Variants in CERS6 observed in about 807,000 individuals in gnomAD.
CERS6 encodes ceramide synthase 6.
Under a neutral mutation model 56.8 loss-of-function variants are expected in CERS6, and 26 were observed. The observed-to-expected ratio is 0.46, with a 90% CI of 0.34 to 0.63. The LOEUF is 0.63. Ranked by LOEUF, CERS6 falls within the 30% of genes least tolerant of loss-of-function variation. The probability of loss-of-function intolerance (pLI) is 0.01; values close to 1 mark genes in which losing one functional copy is unlikely to be tolerated. For missense variants in CERS6, 415 were observed against 467.5 expected (o/e 0.89, Z 1.04); for synonymous variants, 164 against 173.3 (o/e 0.95, Z 0.42).
intron 1 of CERS6, among the ~76,000 whole-genome samples, chr2:168,529,855 A>G (rs575771201): frequency 6.6e-6 from 1 of 152,334 alleles, no homozygotes; most frequent in East Asian, 1.9e-4. Flanking sequence ...TAAAGGATTA[A>G]TGCATTACAG....
intron 8 of CERS6, among the ~76,000 whole-genome samples, chr2:168,763,240 CTTTTTT>C (rs756952701): frequency 9.4e-6 from 1 of 105,902 alleles, no homozygotes. Flanking sequence ...CTCTCTCTCT[CTTTTTT>C]TTTTTTTTTT....
chr2:168,597,570 T>C (rs1475181705), intron 3 of CERS6, among the ~76,000 whole-genome samples: 1 of 152,180 alleles, frequency 6.6e-6, no homozygotes, highest in African/African-American at 2.4e-5. Context: ...TTCTACTTTT[T>C]TCAATTCCCA....
At chr2:168,690,827 A>G (rs1430995052) in intron 4 of CERS6, among the ~76,000 whole-genome samples, 2 of 152,202 alleles carry the variant, frequency 1.3e-5, no homozygotes, top group African/African-American at 2.4e-5. Context: ...AAATACTACC[A>G]GTTGAGTTTA....
chr2:168,768,908 A>AAAAAAAAAAAAAAAGAAAAG, intron 9 of CERS6, among the ~76,000 whole-genome samples: 1 of 150,100 alleles, frequency 6.7e-6, no homozygotes, highest in Non-Finnish European at 1.5e-5. Context: ...CTGACTCAAA[A>AAAAAAAAAAAAAAAGAAAAG]AAAAAAAAAA....
intron 4 of CERS6, among the ~76,000 whole-genome samples, chr2:168,659,747 G>A (rs1178512930): frequency 1.3e-5 from 2 of 151,632 alleles, no homozygotes; most frequent in African/African-American, 4.9e-5. Flanking sequence ...GTTGGATGGT[G>A]GCTTGGCTTG....
chr2:168,620,298 A>G (rs768409725), intron 3 of CERS6, among the ~76,000 whole-genome samples: 29 of 152,208 alleles, frequency 1.9e-4, no homozygotes, highest in African/African-American at 6.7e-4. Context: ...TGTGAGGGAT[A>G]AAAGACTACA....
At chr2:168,488,288 T>C (rs2105337184) in intron 1 of CERS6, among the ~76,000 whole-genome samples, 1 of 152,302 alleles carries the variant, frequency 6.6e-6, no homozygotes, top group East Asian at 1.9e-4. Flanking sequence ...ATAGCCACTA[T>C]GTATAAATAT....
At chr2:168,746,820 T>TATATATATAA (rs1329677014) in intron 8 of CERS6, among the ~76,000 whole-genome samples, 20 of 80,010 alleles carry the variant, frequency 2.5e-4, no homozygotes, top group African/African-American at 5.7e-4. Context: ...TATATATATA[T>TATATATATAA]AAAATCATCT....
At chr2:168,710,958 G>A (rs926891397) in intron 6 of CERS6, among the ~76,000 whole-genome samples, 1 of 152,176 alleles carries the variant, frequency 6.6e-6, no homozygotes, top group Non-Finnish European at 1.5e-5. Context: ...ATTAACTGTT[G>A]GAAGACGCAT....
chr2:168,536,830 A>T (rs1695272579), intron 1 of CERS6, among the ~76,000 whole-genome samples: 1 of 152,164 alleles, frequency 6.6e-6, no homozygotes, highest in East Asian at 1.9e-4. Context: ...ATTCCTTGCG[A>T]TTTTTAATAT....
intron 3 of CERS6, among the ~76,000 whole-genome samples, chr2:168,573,175 T>A (rs1696021986): frequency 6.6e-6 from 1 of 152,126 alleles, no homozygotes; most frequent in South Asian, 2.1e-4. Context: ...ACACCACCTG[T>A]ACCCCAGTAA....
At chr2:168,698,236 GAAAAAAAAAAAAAAAAAAGAAAAAA>G (rs201355417) in intron 6 of CERS6, among the ~76,000 whole-genome samples, 14 of 124,938 alleles carry the variant, frequency 1.1e-4, no homozygotes, top group Non-Finnish European at 1.6e-4. Flanking sequence ...TGTCTCACAG[GAAAAAAAAAAAAAAAAAAGAAAAAA>G]AAAAAAAAAA....
intron 8 of CERS6, among the ~76,000 whole-genome samples, chr2:168,751,426 TCTTGAGGAATCTCATTCTTC>T (rs1684264977): frequency 1.3e-5 from 2 of 152,210 alleles, no homozygotes; most frequent in Non-Finnish European, 2.9e-5. Context: ...CTTTGTTCTC[TCTTGAGGAATCTCATTCTTC>T]CTGTTTATCC....
At chr2:168,746,592 A>G (rs1684102426) in intron 8 of CERS6, among the ~76,000 whole-genome samples, 1 of 151,546 alleles carries the variant, frequency 6.6e-6, no homozygotes, top group South Asian at 2.1e-4. Flanking sequence ...CACTAAGGAT[A>G]CTTACACATA....
intron 3 of CERS6, among the ~76,000 whole-genome samples, chr2:168,561,810 G>A (rs1695794846): frequency 6.6e-6 from 1 of 152,086 alleles, no homozygotes; most frequent in African/African-American, 2.4e-5. Flanking sequence ...GAAGTTGGGG[G>A]ATGGAATTGA....
intron 8 of CERS6, among the ~76,000 whole-genome samples, chr2:168,733,575 G>C (rs1252019763): frequency 6.6e-6 from 1 of 152,154 alleles, no homozygotes; most frequent in Non-Finnish European, 1.5e-5. Context: ...TTGACAGTAA[G>C]GTATGTCAGT....
rs138382357 is a variant in CERS6 at position 168,747,187 on chromosome 2, G to A, written c.846-18405G>A. ...TATGGTCCCAGTTACTCAGGAGGCT[G>A]AGGTTGGAAGATCGCTTGAGCCCAG... is the stretch of plus-strand genomic sequence containing the variant. On this transcript the variant is annotated intron_variant, in intron 8 of 9. Coordinates refer to ENST00000305747, the MANE Select transcript of CERS6 (RefSeq NM_203463.3). Among the ~76,000 whole-genome samples the A allele has an allele frequency of 1.2e-4, 18 of 152,198 alleles. No individual in the cohort carries two copies. The East Asian group carries it at 3.5e-3, about 29-fold the overall frequency.
At chr2:168,724,345 A>C (rs1300467021) in intron 8 of CERS6, among the ~76,000 whole-genome samples, 1 of 152,104 alleles carries the variant, frequency 6.6e-6, no homozygotes, top group African/African-American at 2.4e-5. Flanking sequence ...CCAAAGAGTG[A>C]GCAGTAGCAA....
intron 1 of CERS6, among the ~76,000 whole-genome samples, chr2:168,541,643 A>G (rs1188341366): frequency 2.6e-5 from 4 of 151,992 alleles, no homozygotes; most frequent in African/African-American, 4.8e-5. Flanking sequence ...ATTTTTTTAC[A>G]TTGCTTTCAA....
Sources: gnomAD v4.1 joint callset for allele counts (sites outside exome capture counted in the v4.1 genomes callset) on GRCh38, gnomAD v4.1.1 for gene constraint, MANE v1.5 for transcripts, NCBI Gene and HGNC (gene_info 2026-07-23, HGNC 2026-07-21) for gene names.